SGCD: variants seen among roughly 807,000 people sequenced by gnomAD.
SGCD encodes the protein sarcoglycan delta.
A neutral mutation model predicts 36.6 loss-of-function variants in SGCD; 18 were observed. The ratio of observed to expected loss-of-function variants is 0.49; its 90% CI spans 0.34 to 0.73. SGCD has a LOEUF of 0.73. SGCD is among the 30% of genes least tolerant of loss of function. The pLI, the probability that SGCD is intolerant of heterozygous loss-of-function variation, is 0.01. For missense variants in SGCD, 387 were observed against 346.7 expected, an observed-to-expected ratio of 1.12 and a Z score of -0.92; for synonymous variants, 133 against 130.6, an observed-to-expected ratio of 1.02 and a Z score of -0.12.
At chr5:155,853,571 C>A in the SGCD span, among the ~76,000 whole-genome samples, 1 of 152,110 alleles carries the variant, frequency 6.6e-6, no homozygotes, top group East Asian at 1.9e-4. Context: ...GATTAAAAGT[C>A]GCCAGGTTGC....
intron 3 of SGCD, among the ~76,000 whole-genome samples, chr5:156,247,566 G>A (rs979772105): frequency 6.6e-6 from 1 of 152,148 alleles, no homozygotes; most frequent in Non-Finnish European, 1.5e-5. Flanking sequence ...AGATCTGAAA[G>A]GATCCAAGAT....
intron 3 of SGCD, among the ~76,000 whole-genome samples, chr5:156,461,774 G>A (rs1029782267): frequency 2.0e-5 from 3 of 152,076 alleles, no homozygotes; most frequent in African/African-American, 7.2e-5. Context: ...ATATGAAGTA[G>A]AAATCTCACA....
chr5:156,356,590 T>C (rs991677886), intron 3 of SGCD, among the ~76,000 whole-genome samples: 3 of 152,184 alleles, frequency 2.0e-5, no homozygotes, highest in Non-Finnish European at 4.4e-5. Context: ...GTAGAGGGCA[T>C]ATGGGCTCCA....
At chr5:156,466,407 C>T (rs1374545171) in intron 3 of SGCD, among the ~76,000 whole-genome samples, 2 of 152,130 alleles carry the variant, frequency 1.3e-5, no homozygotes, top group Non-Finnish European at 2.9e-5. Flanking sequence ...AGAATAATGA[C>T]GACTATCGGG....
chr5:155,840,673 T>C, the SGCD span, among the ~76,000 whole-genome samples: 2 of 151,622 alleles, frequency 1.3e-5, no homozygotes, highest in Non-Finnish European at 2.9e-5. Flanking sequence ...GAATCTAGAA[T>C]TTTCCAAAGA....
chr5:156,636,396 AC>A lies in SGCD; in HGVS notation c.503-11067del, dbSNP rs1402046523. On this transcript the variant is annotated intron_variant, in intron 6 of 8. Coordinates refer to ENST00000337851, the MANE Select transcript of SGCD (RefSeq NM_000337.6). ...GTTCCTGCTGCTTGTCTAGAAAAGTACAAAGACTCCCATAACAGGGTCCTTG... is the reference window on the plus strand; with the variant it reads ...GTTCCTGCTGCTTGTCTAGAAAAGTAAAAGACTCCCATAACAGGGTCCTTG... Among the ~76,000 whole-genome samples, 5 of 152,212 alleles carry A rather than the reference AC, an allele frequency of 3.3e-5. No homozygotes were observed. In the East Asian group the frequency reaches 9.6e-4, roughly 29 times the overall value.
At chr5:155,886,406 C>G (rs1755999759) in intron 1 of SGCD, among the ~76,000 whole-genome samples, 1 of 152,106 alleles carries the variant, frequency 6.6e-6, no homozygotes, top group Non-Finnish European at 1.5e-5. Context: ...ATTGATGGAT[C>G]TTGGGTCATA....
At position 156,765,082 on chromosome 5, in the gene SGCD, T is replaced by C. The variant is rs1245338071; in HGVS notation, c.*5692T>C. ...GCTAAGGTCAGCTTAATAACACAAA[T>C]ATGAGGCCGACTTCTTTGCGAGAAG... On this transcript the variant is annotated 3_prime_UTR_variant, in exon 9 of 9. Coordinates refer to ENST00000337851, the MANE Select transcript of SGCD (RefSeq NM_000337.6). 1 of 152,166 alleles carries C rather than the reference T, an allele frequency of 6.6e-6. No homozygotes were observed. The highest frequency in any genetic ancestry group is 2.4e-5 in the African/African-American group (1 of 41,420). The allele number at this position is 152,166 out of a possible 1,614,324, so 9.4% of individuals were successfully genotyped here.
At chr5:156,549,816 C>G (rs1049536585) in intron 4 of SGCD, among the ~76,000 whole-genome samples, 1 of 152,190 alleles carries the variant, frequency 6.6e-6, no homozygotes, top group African/African-American at 2.4e-5. Flanking sequence ...TACCCAAACC[C>G]TTTCTACTAA....
intron 1 of SGCD, among the ~76,000 whole-genome samples, chr5:155,896,523 A>T (rs244974): frequency 6.8e-4 from 102 of 150,252 alleles, no homozygotes; most frequent in Non-Finnish European, 2.5e-4. Flanking sequence ...ATGTGCGCTT[A>T]TAGTTCCAGC....
chr5:156,069,058 T>G (rs906016521), intron 1 of SGCD, among the ~76,000 whole-genome samples: 1 of 152,170 alleles, frequency 6.6e-6, no homozygotes, highest in African/African-American at 2.4e-5. Flanking sequence ...AAAAATTTTC[T>G]CCCATTCTGT....
At chr5:156,756,812 G>GC (rs1418533504) in intron 7 of SGCD, among the ~76,000 whole-genome samples, 1 of 151,778 alleles carries the variant, frequency 6.6e-6, no homozygotes, top group Non-Finnish European at 1.5e-5. Flanking sequence ...TTTTCCTTAT[G>GC]CTGTCCCTTT....
At chr5:156,446,739 A>T (rs887833917) in intron 3 of SGCD, among the ~76,000 whole-genome samples, 5 of 152,144 alleles carry the variant, frequency 3.3e-5, no homozygotes, top group African/African-American at 1.2e-4. Context: ...CCCTTTGGTA[A>T]AATTCCTGGA....
rs141573665 is a variant in SGCD, at chr5:156,276,120, C to T, written c.-43-53414C>T. Among the ~76,000 whole-genome samples the T allele has an allele frequency of 1.9e-3, 292 of 152,084 alleles. 2 individuals are homozygous for T. The highest frequency in any genetic ancestry group is 6.7e-3 in the African/African-American group (279 of 41,484). On this transcript the variant is annotated intron_variant, in intron 3 of 9. Transcript: ENST00000517913. ...CAGAATGTCAAACCTATACTGACAC[C>T]CACTCCACTCTACAGTCTTCTATGA...
chr5:156,144,731 A>C (rs113616607), intron 3 of SGCD, among the ~76,000 whole-genome samples: 55 of 152,196 alleles, frequency 3.6e-4, no homozygotes, highest in Admixed American at 1.2e-3. Flanking sequence ...TGCAGAAGCT[A>C]TTTAGTTTAA....
intron 1 of SGCD, among the ~76,000 whole-genome samples, chr5:156,116,189 G>T (rs191261831): frequency 6.6e-6 from 1 of 151,862 alleles, no homozygotes; most frequent in Non-Finnish European, 1.5e-5. Flanking sequence ...TAATGATCTG[G>T]TTCTCCAAAG....
At chr5:156,192,439 A>G (rs1024241506) in intron 3 of SGCD, among the ~76,000 whole-genome samples, 1 of 152,132 alleles carries the variant, frequency 6.6e-6, no homozygotes, top group Non-Finnish European at 1.5e-5. Context: ...ATGGTGATAG[A>G]GAGTAGAATG....
At position 156,069,749 on chromosome 5, in the gene SGCD, C is replaced by A. The variant is rs372819400; in HGVS notation, c.-281-48129C>A. On this transcript the variant is annotated intron_variant, in intron 1 of 9. Transcript: ENST00000517913. ...ATTTTCACGATATTGATTCTTCCTA[C>A]CCATAAGCATGGAATGAAAATGTTC... 5.9e-4 allele frequency among the ~76,000 whole-genome samples: 84 copies of A among 143,104 alleles called. No individual in the cohort carries two copies. The South Asian group carries it at 0.016, about 28-fold the overall frequency. The allele number at this position is 143,104 out of a possible 152,430, so 93.9% of individuals were successfully genotyped here. A position where few individuals can be genotyped will look rare whatever the true frequency, so the allele number is the denominator to read the frequency against.
Position 156,537,484 on chromosome 5 carries a change from C to G in SGCD, c.294+28782C>G, listed in dbSNP as rs1253305111. Among the ~76,000 whole-genome samples the G allele has an allele frequency of 3.3e-5, 5 of 150,748 alleles. No homozygotes were observed. The East Asian group carries it at 9.7e-4, about 29-fold the overall frequency. ...CCACACACACACACACACACACACA[C>G]ACACACACACACACACACACACAGG... On this transcript the variant is annotated intron_variant, in intron 4 of 8. Coordinates refer to ENST00000337851, the MANE Select transcript of SGCD (RefSeq NM_000337.6).
Sources: allele counts gnomAD v4.1 joint callset (sites outside exome capture counted in the v4.1 genomes callset), GRCh38; gene constraint gnomAD v4.1.1; transcripts MANE v1.5; gene names NCBI Gene and HGNC (gene_info 2026-07-23, HGNC 2026-07-21).